Variants in PCLO observed in about 807,000 individuals in gnomAD.
PCLO encodes the protein piccolo presynaptic cytomatrix protein.
In PCLO, 82 loss-of-function variants were observed where a neutral mutation model predicts 427.5. The observed-to-expected ratio is 0.19, with a 90% confidence interval of 0.16 to 0.23. The LOEUF is 0.23. Among genes scored for constraint, PCLO ranks in the 10% least tolerant of loss-of-function variants. The probability of loss-of-function intolerance (pLI) is 1.00; values close to 1 mark genes in which losing one functional copy is unlikely to be tolerated. For synonymous variants in PCLO, 2,357 were observed against 2,155.4 expected, an observed-to-expected ratio of 1.09 and a Z score of -2.59; for missense variants, 6,239 against 6,115.9, an observed-to-expected ratio of 1.02 and a Z score of -0.67.
At chr7:83,023,007 T>C (rs1235906997) in intron 3 of PCLO, among the ~76,000 whole-genome samples, 2 of 152,146 alleles carry the variant, frequency 1.3e-5, no homozygotes, top group Admixed American at 6.5e-5. Flanking sequence ...TATAATCAAA[T>C]CTAAGATAAA....
At chr7:83,023,763 A>G (rs1788405145) in intron 3 of PCLO, among the ~76,000 whole-genome samples, 1 of 152,182 alleles carries the variant, frequency 6.6e-6, no homozygotes, top group Admixed American at 6.5e-5. Context: ...AATTAAGTAA[A>G]CATGTCTTAT....
chr7:82,992,665 C>T (rs146309618), intron 3 of PCLO, among the ~76,000 whole-genome samples: 1,582 of 151,970 alleles, frequency 0.01, 32 homozygotes, highest in African/African-American at 0.037. Context: ...ACCTAGATGA[C>T]GGGTTCATAG....
At chr7:83,008,859 T>G (rs1788010723) in intron 3 of PCLO, among the ~76,000 whole-genome samples, 1 of 151,596 alleles carries the variant, frequency 6.6e-6, no homozygotes, top group Non-Finnish European at 1.5e-5. Flanking sequence ...TAATGATACA[T>G]TATAAATATA....
intron 6 of PCLO, among the ~76,000 whole-genome samples, chr7:82,938,731 A>G (rs1173400273): frequency 1.3e-5 from 2 of 152,034 alleles, no homozygotes; most frequent in East Asian, 1.9e-4. Flanking sequence ...TTTTATACCA[A>G]TTAACTTTTA....
chr7:82,877,900 G>A (rs1793413075), intron 10 of PCLO, among the ~76,000 whole-genome samples: 1 of 152,106 alleles, frequency 6.6e-6, no homozygotes, highest in Admixed American at 6.6e-5. Context: ...TTGAGCTGCT[G>A]GCCTCAAGAG....
intron 3 of PCLO, among the ~76,000 whole-genome samples, chr7:82,970,011 A>G (rs1252088305): frequency 6.6e-6 from 1 of 152,122 alleles, no homozygotes; most frequent in South Asian, 2.1e-4. Context: ...GATAGCAATC[A>G]GTCAAAATGT....
chr7:82,868,186 G>C (rs767317766), intron 10 of PCLO: 3 of 456,632 alleles, frequency 6.6e-6, no homozygotes, highest in South Asian at 4.6e-5. Flanking sequence ...CTTGATCACT[G>C]CCATGCCATC....
intron 9 of PCLO, among the ~76,000 whole-genome samples, chr7:82,894,063 A>T (rs562066250): frequency 1.9e-4 from 29 of 152,098 alleles, no homozygotes; most frequent in African/African-American, 6.7e-4. Flanking sequence ...GAGAATGAGT[A>T]AAAAAATTCA....
chr7:82,976,157 C>A (rs577198618), intron 3 of PCLO, among the ~76,000 whole-genome samples: 2 of 152,188 alleles, frequency 1.3e-5, no homozygotes, highest in East Asian at 3.9e-4. Flanking sequence ...TAAAGGTTAC[C>A]CATGTTGTCA....
rs10487647 is a variant in PCLO, at chr7:82,954,072, A to G, written c.6881T>C (p.Leu2294Pro). 0.014 allele frequency: 22,752 copies of G among 1,613,768 alleles called. 2,680 individuals are homozygous for G. The African/African-American group carries it at 0.26, about 18-fold the overall frequency. Residue 2294 changes from leucine (L) to proline (P), a missense_variant, in exon 5 of 25, where the codon CTT (leucine) becomes CCT (proline). By Grantham distance (98) the Leu-to-Pro change is moderately conservative (BLOSUM62 -3). Coordinates refer to ENST00000333891, the MANE Select transcript of PCLO (RefSeq NM_033026.6). ...CTTCACTGGGTCCTTTTCAGATATA[A>G]GTAAGTCAGTAGAAACAGTGTCAGC... ...PVADTVSTDLLISEKDPVKKA... is the reference protein window; with the variant it reads ...PVADTVSTDLPISEKDPVKKA...
In PCLO at chr7:82,916,483, A is replaced by T; in HGVS notation, c.11503T>A (p.Ser3835Thr). The part of the protein sequence containing the change: ...QGVAEDRDYM[S>T]DSEVSSTRPT... The stretch of plus-strand genomic sequence containing the variant: ...CTTGTGCTACTCACTTCACTGTCAG[A>T]CATGTAATCACGATCCTCAGCTACT... Residue 3835 changes from serine (S) to threonine (T), a missense_variant, in exon 7 of 25, where the codon TCT (serine) becomes ACT (threonine). Ser to Thr is a moderately conservative substitution (Grantham distance 58). Coordinates refer to ENST00000333891, the MANE Select transcript of PCLO (RefSeq NM_033026.6). 1 of 1,613,672 alleles carries T rather than the reference A, an allele frequency of 6.2e-7. No homozygotes were observed. The highest frequency in any genetic ancestry group is 8.5e-7 in the Non-Finnish European group (1 of 1,179,736).
At chr7:82,984,382 A>G (rs1222906303) in intron 3 of PCLO, among the ~76,000 whole-genome samples, 1 of 147,224 alleles carries the variant, frequency 6.8e-6, no homozygotes, top group African/African-American at 2.5e-5. Flanking sequence ...CTGTCTATTC[A>G]CCTTAGTTTA....
At chr7:82,779,128 T>A (rs1790816700) in intron 22 of PCLO, among the ~76,000 whole-genome samples, 1 of 152,128 alleles carries the variant, frequency 6.6e-6, no homozygotes, top group African/African-American at 2.4e-5. Context: ...TACTTTATCA[T>A]ACAGATATTA....
chr7:83,110,529 G>A (rs907421568), intron 3 of PCLO, among the ~76,000 whole-genome samples: 2 of 151,384 alleles, frequency 1.3e-5, no homozygotes, highest in African/African-American at 4.9e-5. Flanking sequence ...CTAACTCTCG[G>A]GTCATATGTT....
Position 82,954,347 on chromosome 7 carries a change from G to T in PCLO, c.6606C>A (p.Thr2202=). ...CTTDSSSPIT[T]LDSITTVYTE... ...TATAAACTGTGGTTATGCTATCCAG[G>T]GTAGTAATGGGTGAAGAGCTATCTG... Residue 2202 remains threonine (T), a synonymous_variant, in exon 5 of 25, where the codon ACC becomes ACA. Coordinates refer to ENST00000333891, the MANE Select transcript of PCLO (RefSeq NM_033026.6). 6.2e-7 allele frequency: 1 copy of T among 1,613,760 alleles called. No homozygotes were observed. The highest frequency in any genetic ancestry group is 2.2e-5 in the East Asian group (1 of 44,854).
chr7:82,758,969 G>A (rs1196816468), intron 24 of PCLO, among the ~76,000 whole-genome samples: 3 of 151,850 alleles, frequency 2.0e-5, no homozygotes, highest in African/African-American at 4.8e-5. Context: ...TGAAGAATGT[G>A]AGAATACTAG....
In PCLO at chr7:82,862,332, C is replaced by T. The variant is rs114861434; in HGVS notation, c.13655-15085G>A. On this transcript the variant is annotated intron_variant, in intron 10 of 24. Transcript: ENST00000333891. ...TGATGAGGATGTGGAGAAAAGAGAA[C>T]CCTTGTTCACTGTTGGTGGGAATGT... Among the ~76,000 whole-genome samples, 389 of 151,858 alleles carry T rather than the reference C, an allele frequency of 2.6e-3. 1 individual carries two copies. The highest frequency in any genetic ancestry group is 8.8e-3 in the African/African-American group (367 of 41,484).
At chr7:82,902,360 G>C (rs1302539222) in intron 9 of PCLO, among the ~76,000 whole-genome samples, 1 of 151,804 alleles carries the variant, frequency 6.6e-6, no homozygotes, top group African/African-American at 2.4e-5. Flanking sequence ...CTCACTCACA[G>C]ATGGGAATTG....
chr7:82,891,716 A>G (rs1481181960), intron 9 of PCLO, among the ~76,000 whole-genome samples: 2 of 152,034 alleles, frequency 1.3e-5, no homozygotes, highest in South Asian at 2.1e-4. Flanking sequence ...TCCCATCAAT[A>G]CCTAATTTAT....
Sources: gnomAD v4.1 joint callset for allele counts (sites outside exome capture counted in the v4.1 genomes callset) on GRCh38, gnomAD v4.1.1 for gene constraint, MANE v1.5 for transcripts, NCBI Gene and HGNC (gene_info 2026-07-23, HGNC 2026-07-21) for gene names.